Variants in CACNA1E observed in about 807,000 individuals in gnomAD.
CACNA1E encodes calcium voltage-gated channel subunit alpha1 E.
Under a neutral mutation model 259.2 loss-of-function variants are expected in CACNA1E, and 40 were observed. The ratio of observed to expected loss-of-function variants is 0.15; its 90% CI spans 0.12 to 0.20. The LOEUF (loss-of-function observed/expected upper bound fraction) is 0.20, where lower values mean the gene tolerates loss of function less well. Ranked by LOEUF, CACNA1E falls within the 10% of genes least tolerant of loss-of-function variation. The pLI is 1.00. For synonymous variants in CACNA1E, 1,104 were observed against 1,138.5 expected, an observed-to-expected ratio of 0.97 and a Z score of 0.61; for missense variants, 1,874 against 3,040.1, an observed-to-expected ratio of 0.62 and a Z score of 9.02.
intron 7 of CACNA1E, among the ~76,000 whole-genome samples, chr1:181,687,152 A>G (rs1650663776): frequency 6.6e-6 from 1 of 152,198 alleles, no homozygotes; most frequent in Admixed American, 6.5e-5. Context: ...TCTAACCTCC[A>G]GTGGCAGATG....
chr1:181,636,146 A>G (rs2101971137), intron 6 of CACNA1E, among the ~76,000 whole-genome samples: 1 of 152,326 alleles, frequency 6.6e-6, no homozygotes, highest in East Asian at 1.9e-4. Flanking sequence ...TTAAATAATA[A>G]TATTAACATC....
intron 2 of CACNA1E, among the ~76,000 whole-genome samples, chr1:181,473,566 T>C (rs1662656660): frequency 7.1e-6 from 1 of 140,234 alleles, no homozygotes; most frequent in African/African-American, 2.9e-5. Context: ...GGTACTACTT[T>C]TGCCATTTTT....
At chr1:181,527,995 G>A (rs913503187) in intron 3 of CACNA1E, among the ~76,000 whole-genome samples, 2 of 151,616 alleles carry the variant, frequency 1.3e-5, no homozygotes, top group Non-Finnish European at 2.9e-5. Flanking sequence ...TTATCTACTG[G>A]ATTATCAAAC....
chr1:181,710,607 C>T (rs1172134006), intron 7 of CACNA1E, among the ~76,000 whole-genome samples: 1 of 152,124 alleles, frequency 6.6e-6, no homozygotes, highest in East Asian at 1.9e-4. Context: ...GTAGCTGTGC[C>T]CTTCAGAGGG....
chr1:181,704,679 T>C (rs1311589033), intron 7 of CACNA1E, among the ~76,000 whole-genome samples: 1 of 152,116 alleles, frequency 6.6e-6, no homozygotes, highest in Non-Finnish European at 1.5e-5. Context: ...TGTACAGTAG[T>C]GTGGATAAAC....
In CACNA1E at chr1:181,580,456, G is replaced by A. The variant is rs1299189599; in HGVS notation, c.770-139G>A. ...TGGGAGGTGCAGAGAGGCCAGGGAGGAGAGGGAGCCTGAGACAAAAAAGGG... is the reference window on the plus strand; with the variant it reads ...TGGGAGGTGCAGAGAGGCCAGGGAGAAGAGGGAGCCTGAGACAAAAAAGGG... On this transcript the variant is annotated intron_variant, in intron 5 of 47. Coordinates refer to ENST00000367573, the MANE Select transcript of CACNA1E (RefSeq NM_001205293.3). 20 of 755,952 alleles carry A rather than the reference G, an allele frequency of 2.6e-5. No homozygotes were observed. The East Asian group carries it at 4.9e-4, about 19-fold the overall frequency. 46.8% of individuals were successfully genotyped at this position (755,952 alleles called of 1,614,324 possible).
At chr1:181,443,184 CTACTT>C (rs1312854223) in intron 2 of CACNA1E, among the ~76,000 whole-genome samples, 1 of 152,240 alleles carries the variant, frequency 6.6e-6, no homozygotes, top group East Asian at 1.9e-4. Flanking sequence ...TCCACTTTCT[CTACTT>C]TACAGAACTA....
intron 1 of CACNA1E, among the ~76,000 whole-genome samples, chr1:181,352,616 CTGCCACT>C (rs1474671246): frequency 2.6e-5 from 4 of 152,354 alleles, no homozygotes; most frequent in African/African-American, 9.6e-5. Context: ...ACCGCCTCCT[CTGCCACT>C]TGTTAGTGTC....
chr1:181,574,404 T>C (rs1276020975), intron 3 of CACNA1E, among the ~76,000 whole-genome samples: 2 of 152,198 alleles, frequency 1.3e-5, no homozygotes, highest in African/African-American at 4.8e-5. Context: ...TATCCCAGCT[T>C]GCTACCCTAT....
intron 6 of CACNA1E, among the ~76,000 whole-genome samples, chr1:181,616,548 T>TA (rs1282726004): frequency 6.6e-6 from 1 of 152,030 alleles, no homozygotes; most frequent in Non-Finnish European, 1.5e-5. Context: ...CCATCTCTAC[T>TA]AAAAAAATTA....
intron 1 of CACNA1E, among the ~76,000 whole-genome samples, chr1:181,349,260 A>G (rs1652845238): frequency 6.6e-6 from 1 of 152,218 alleles, no homozygotes; most frequent in Admixed American, 6.5e-5. Flanking sequence ...GGGCTTGTCC[A>G]AGGCCACAAA....
At chr1:181,598,505 G>A (rs115381404) in intron 6 of CACNA1E, among the ~76,000 whole-genome samples, 1 of 152,120 alleles carries the variant, frequency 6.6e-6, no homozygotes, top group African/African-American at 2.4e-5. Context: ...CCGTGTTGAG[G>A]AAGTGGCCAC....
chr1:181,338,235 G>T (rs564120004), intron 1 of CACNA1E, among the ~76,000 whole-genome samples: 2 of 152,096 alleles, frequency 1.3e-5, no homozygotes, highest in African/African-American at 4.8e-5. Flanking sequence ...ACAGGTGTGC[G>T]CCACTATACC....
chr1:181,472,523 G>A (rs552916957), intron 2 of CACNA1E, among the ~76,000 whole-genome samples: 1 of 151,858 alleles, frequency 6.6e-6, no homozygotes, highest in Admixed American at 6.6e-5. Context: ...TTTTAAAAAA[G>A]GAAGTTGTCT....
chr1:181,631,035 T>C (rs1049826779), intron 6 of CACNA1E, among the ~76,000 whole-genome samples: 1 of 151,856 alleles, frequency 6.6e-6, no homozygotes, highest in African/African-American at 2.4e-5. Flanking sequence ...GAGCCCTGGG[T>C]TTTTCACCCT....
intron 2 of CACNA1E, among the ~76,000 whole-genome samples, chr1:181,452,621 C>T (rs979363181): frequency 3.3e-5 from 5 of 152,164 alleles, no homozygotes; most frequent in African/African-American, 1.2e-4. Flanking sequence ...GGAAGGTTTC[C>T]CCCAAGGAAG....
chr1:181,495,186 A>G (rs1664643725), intron 1 of CACNA1E, among the ~76,000 whole-genome samples: 2 of 152,336 alleles, frequency 1.3e-5, no homozygotes, highest in South Asian at 4.1e-4. Flanking sequence ...AAGGGATATT[A>G]GATGTCATCT....
chr1:181,318,802 T>C (rs1650119350), intron 1 of CACNA1E, among the ~76,000 whole-genome samples: 1 of 152,136 alleles, frequency 6.6e-6, no homozygotes, highest in African/African-American at 2.4e-5. Context: ...GGTGGGTCCT[T>C]TCCTGGGACA....
chr1:181,652,660 G>C (rs943270572), intron 7 of CACNA1E, among the ~76,000 whole-genome samples: 18 of 152,060 alleles, frequency 1.2e-4, no homozygotes, highest in Non-Finnish European at 2.6e-4. Context: ...GGGTAGGCGT[G>C]GTGCTAAAAA....
Sources: gnomAD v4.1 joint callset for allele counts (sites outside exome capture counted in the v4.1 genomes callset) on GRCh38, gnomAD v4.1.1 for gene constraint, MANE v1.5 for transcripts, NCBI Gene and HGNC (gene_info 2026-07-23, HGNC 2026-07-21) for gene names.